PDE8B: variants seen among roughly 807,000 people sequenced by gnomAD.
The protein encoded by PDE8B is phosphodiesterase 8B, also known as high affinity cAMP-specific and IBMX-insensitive 3',5'-cyclic phosphodiesterase 8B.
PDE8B carries 26 observed loss-of-function variants against 101.3 expected under a neutral mutation model. The observed-to-expected ratio is 0.26, with a 90% CI of 0.19 to 0.36. The LOEUF (loss-of-function observed/expected upper bound fraction) is 0.36, where lower values mean the gene tolerates loss of function less well. Ranked by LOEUF, PDE8B falls within the 10% of genes least tolerant of loss-of-function variation. PDE8B has a pLI of 1.00. For synonymous variants in PDE8B, 424 were observed against 429.3 expected (o/e 0.99, Z 0.15); for missense variants, 810 against 1,163.1 (o/e 0.70, Z 4.42).
At chr5:77,232,311 T>C (rs1753745247) in intron 1 of PDE8B, among the ~76,000 whole-genome samples, 1 of 152,232 alleles carries the variant, frequency 6.6e-6, no homozygotes, top group African/African-American at 2.4e-5. Context: ...AATATATTAG[T>C]GCATATCATT....
chr5:77,141,351 T>G, the PDE8B span: 1 of 152,208 alleles, frequency 6.6e-6, no homozygotes, highest in East Asian at 1.9e-4. Context: ...TTTCTGGTGC[T>G]CATTTAACAT....
the PDE8B span, chr5:77,100,477 A>G: frequency 1.3e-5 from 2 of 152,312 alleles, no homozygotes; most frequent in South Asian, 2.1e-4. Context: ...AGGCAAACCA[A>G]TATGACCAAC....
intron 17 of PDE8B, among the ~76,000 whole-genome samples, chr5:77,414,347 G>A (rs1795106093): frequency 6.6e-6 from 1 of 152,178 alleles, no homozygotes; most frequent in African/African-American, 2.4e-5. Flanking sequence ...ATCAACCTAT[G>A]TTTCTATAAC....
chr5:77,230,398 C>T (rs1580446469), intron 1 of PDE8B, among the ~76,000 whole-genome samples: 1 of 152,234 alleles, frequency 6.6e-6, no homozygotes, highest in African/African-American at 2.4e-5. Context: ...CTAGAATCCC[C>T]TGTGGGGCCC....
At chr5:77,134,115 G>A in the PDE8B span, among the ~76,000 whole-genome samples, 3 of 152,154 alleles carry the variant, frequency 2.0e-5, no homozygotes, top group East Asian at 5.8e-4. Flanking sequence ...AATGACCATG[G>A]GATCCACTGG....
At chr5:77,421,293 T>G (rs1035992896) in intron 19 of PDE8B, among the ~76,000 whole-genome samples, 3 of 152,000 alleles carry the variant, frequency 2.0e-5, no homozygotes, top group African/African-American at 4.8e-5. Flanking sequence ...GCGAGAGAGT[T>G]GGGTGAGTTG....
chr5:77,119,318 A>AT, the PDE8B span: 1 of 152,154 alleles, frequency 6.6e-6, no homozygotes, highest in Non-Finnish European at 1.5e-5. Context: ...ATTCCTAGAT[A>AT]TTTGCCCAGC....
chr5:77,164,756 G>T, the PDE8B span, among the ~76,000 whole-genome samples: 1 of 152,196 alleles, frequency 6.6e-6, no homozygotes, highest in Non-Finnish European at 1.5e-5. Context: ...ATATATGTGT[G>T]TTGGGGGGAA....
chr5:77,237,890 C>T (rs375223134), intron 1 of PDE8B, among the ~76,000 whole-genome samples: 2 of 152,110 alleles, frequency 1.3e-5, no homozygotes, highest in Admixed American at 6.5e-5. Context: ...AGGTTCCCCC[C>T]ACCCCAGGAC....
At chr5:77,419,025 C>T (rs1796120495) in intron 18 of PDE8B, among the ~76,000 whole-genome samples, 2 of 152,214 alleles carry the variant, frequency 1.3e-5, no homozygotes, top group African/African-American at 4.8e-5. Context: ...GAACATGGAG[C>T]TCACTCGGGC....
chr5:77,275,407 T>C (rs1476955616), intron 1 of PDE8B, among the ~76,000 whole-genome samples: 1 of 152,184 alleles, frequency 6.6e-6, no homozygotes, highest in African/African-American at 2.4e-5. Context: ...AAATTCTTAT[T>C]TTTCTGCCAT....
chr5:77,183,103 C>CTAT, the PDE8B span, among the ~76,000 whole-genome samples: 582 of 130,216 alleles, frequency 4.5e-3, no homozygotes, highest in African/African-American at 0.013. Flanking sequence ...TGAAGATGTG[C>CTAT]TATTATTATT....
intron 17 of PDE8B, among the ~76,000 whole-genome samples, chr5:77,414,418 T>A (rs1454200172): frequency 6.6e-6 from 1 of 152,198 alleles, no homozygotes; most frequent in African/African-American, 2.4e-5. Flanking sequence ...CTCCTCTTTT[T>A]TAAAATTTTT....
chr5:77,327,730 T>C (rs150473474), intron 3 of PDE8B, among the ~76,000 whole-genome samples: 110 of 152,282 alleles, frequency 7.2e-4, no homozygotes, highest in Admixed American at 1.2e-3. Context: ...TGTGCTGGCA[T>C]TGGAGGGATA....
the PDE8B span, chr5:77,088,438 C>T: frequency 1.9e-4 from 27 of 142,132 alleles, no homozygotes; most frequent in African/African-American, 6.8e-4. Flanking sequence ...TCTCACCTCC[C>T]AGAAGAATCA....
At chr5:77,168,556 TG>T in the PDE8B span, among the ~76,000 whole-genome samples, 1 of 152,228 alleles carries the variant, frequency 6.6e-6, no homozygotes, top group African/African-American at 2.4e-5. Context: ...TGGATCTGGA[TG>T]GAATGGCAAG....
chr5:77,281,078 A>G (rs994097827), intron 1 of PDE8B, among the ~76,000 whole-genome samples: 20 of 152,194 alleles, frequency 1.3e-4, no homozygotes, highest in Non-Finnish European at 2.2e-4. Flanking sequence ...TGCATGCGCA[A>G]GCCCCAGGCC....
rs554681400 is a variant in PDE8B, at chr5:77,260,078, C to T, written c.339+48814C>T. 8.9e-5 allele frequency among the ~76,000 whole-genome samples: 13 copies of T among 146,490 alleles called. No homozygotes were observed. The South Asian group carries it at 2.1e-3, about 24-fold the overall frequency. On this transcript the variant is annotated intron_variant, in intron 1 of 21. Coordinates refer to ENST00000264917, the MANE Select transcript of PDE8B (RefSeq NM_003719.5). ...ACTTGGGAGGCTGAGGCAGGAGAAT[C>T]GCTTGAACTCGGGAGTTGCAGTGAG...
chr5:77,225,404 T>G (rs1022536163), intron 1 of PDE8B, among the ~76,000 whole-genome samples: 4 of 152,244 alleles, frequency 2.6e-5, no homozygotes, highest in Non-Finnish European at 5.9e-5. Flanking sequence ...CTTTGTCTAC[T>G]CAGAGTAGCC....
Sources: allele counts gnomAD v4.1 joint callset (sites outside exome capture counted in the v4.1 genomes callset), GRCh38; gene constraint gnomAD v4.1.1; transcripts MANE v1.5; gene names NCBI Gene and HGNC (gene_info 2026-07-23, HGNC 2026-07-21).